Variants in JAKMIP2 observed in about 807,000 individuals in gnomAD.
JAKMIP2 encodes janus kinase and microtubule-interacting protein 2.
In JAKMIP2, 25 loss-of-function variants were observed where a neutral mutation model predicts 115.0. The ratio of observed to expected loss-of-function variants is 0.22; its 90% CI spans 0.16 to 0.30. The LOEUF (loss-of-function observed/expected upper bound fraction) is 0.30. JAKMIP2 is among the 10% of genes least tolerant of loss of function. The probability of loss-of-function intolerance (pLI) is 1.00; values close to 1 mark genes in which losing one functional copy is unlikely to be tolerated. For missense variants in JAKMIP2, 642 were observed against 957.6 expected (o/e 0.67, Z 4.35); for synonymous variants, 334 against 343.6 (o/e 0.97, Z 0.31).
Position 147,772,100 on chromosome 5 carries a change from G to T in JAKMIP2, c.-149+10356C>A, listed in dbSNP as rs1479461214. Among the ~76,000 whole-genome samples the T allele has an allele frequency of 4.6e-5, 7 of 152,066 alleles. No homozygotes were observed. The South Asian group carries it at 1.5e-3, about 32-fold the overall frequency. On this transcript the variant is annotated intron_variant, in intron 1 of 21. Transcript: ENST00000616793. ...TAATATCTGCCCTGTCTTTATTCTTGTGAGAATGTGAAGTATTAAAAGTTT... is the reference window on the plus strand; with the variant it reads ...TAATATCTGCCCTGTCTTTATTCTTTTGAGAATGTGAAGTATTAAAAGTTT...
intron 1 of JAKMIP2, among the ~76,000 whole-genome samples, chr5:147,723,782 A>G (rs975486882): frequency 6.6e-6 from 1 of 152,204 alleles, no homozygotes; most frequent in East Asian, 1.9e-4. Flanking sequence ...ATTCTGTCTT[A>G]TCCACCAGCC....
chr5:147,768,741 A>T (rs928574500), intron 1 of JAKMIP2, among the ~76,000 whole-genome samples: 3 of 152,180 alleles, frequency 2.0e-5, no homozygotes, highest in African/African-American at 7.2e-5. Context: ...CCCAATAAAG[A>T]ACAAATATGA....
chr5:147,698,814 T>C (rs1386738917), intron 1 of JAKMIP2, among the ~76,000 whole-genome samples: 1 of 152,164 alleles, frequency 6.6e-6, no homozygotes, highest in Non-Finnish European at 1.5e-5. Flanking sequence ...TATTTCTTCA[T>C]AGCAGCATGA....
At chr5:147,662,044 CT>C (rs56892721) in intron 2 of JAKMIP2, 202 of 132,340 alleles carry the variant, frequency 1.5e-3, no homozygotes, top group Admixed American at 1.6e-3. Flanking sequence ...CTTTTCTTTT[CT>C]TTTTTTTTTT....
intron 1 of JAKMIP2, among the ~76,000 whole-genome samples, chr5:147,687,377 A>C (rs1176694161): frequency 2.0e-5 from 3 of 152,210 alleles, no homozygotes; most frequent in Non-Finnish European, 4.4e-5. Context: ...AGATGTAATG[A>C]GTGCTGAAAC....
chr5:147,721,526 G>T (rs1310696231), intron 1 of JAKMIP2, among the ~76,000 whole-genome samples: 1 of 152,296 alleles, frequency 6.6e-6, no homozygotes, highest in South Asian at 2.1e-4. Flanking sequence ...GACCCTCCGA[G>T]CCAGGTGCGG....
intron 1 of JAKMIP2, among the ~76,000 whole-genome samples, chr5:147,722,007 C>T (rs1399733838): frequency 6.6e-6 from 1 of 152,090 alleles, no homozygotes; most frequent in Non-Finnish European, 1.5e-5. Context: ...TTATGAAATA[C>T]CTACTTCCTG....
At chr5:147,735,207 A>G (rs1053903362) in intron 1 of JAKMIP2, among the ~76,000 whole-genome samples, 27 of 152,174 alleles carry the variant, frequency 1.8e-4, no homozygotes, top group Non-Finnish European at 2.9e-5. Context: ...TAGTTCCCTC[A>G]TTTAAAGAAA....
intron 1 of JAKMIP2, among the ~76,000 whole-genome samples, chr5:147,738,842 C>T (rs1382422881): frequency 2.0e-5 from 3 of 152,022 alleles, no homozygotes; most frequent in Non-Finnish European, 4.4e-5. Context: ...AATGAGATCA[C>T]GAGATAATCA....
chr5:147,623,712 G>A, intron 16 of JAKMIP2, 23 bp from the exon 17 acceptor site: 1 of 1,548,088 alleles, frequency 6.5e-7, no homozygotes, highest in Non-Finnish European at 8.9e-7. Context: ...CAAGACAAAA[G>A]TGTTTGACAT....
chr5:147,726,211 C>T (rs1753510819), intron 1 of JAKMIP2, among the ~76,000 whole-genome samples: 1 of 152,170 alleles, frequency 6.6e-6, no homozygotes, highest in Non-Finnish European at 1.5e-5. Flanking sequence ...TGACAAGGCC[C>T]AAGTAGGGGC....
At chr5:147,739,471 G>A (rs749187238) in intron 1 of JAKMIP2, among the ~76,000 whole-genome samples, 7 of 152,080 alleles carry the variant, frequency 4.6e-5, no homozygotes, top group Non-Finnish European at 1.0e-4. Context: ...GACAACCAGC[G>A]GCGGAGCAAG....
intron 1 of JAKMIP2, among the ~76,000 whole-genome samples, chr5:147,673,677 T>A (rs1371957971): frequency 6.6e-6 from 1 of 152,204 alleles, no homozygotes; most frequent in African/African-American, 2.4e-5. Context: ...CTGCGAGGTC[T>A]CTGAGAGGCC....
chr5:147,601,528 A>C (rs977472016), intron 21 of JAKMIP2, among the ~76,000 whole-genome samples: 3 of 152,086 alleles, frequency 2.0e-5, no homozygotes, highest in Admixed American at 2.0e-4. Context: ...TGAGCCTGGG[A>C]GATTGAGGCT....
At chr5:147,684,079 C>T (rs1276157865) in intron 1 of JAKMIP2, among the ~76,000 whole-genome samples, 1 of 152,104 alleles carries the variant, frequency 6.6e-6, no homozygotes, top group Non-Finnish European at 1.5e-5. Context: ...CCTACATTTT[C>T]TGTCCAGTTG....
chr5:147,706,554 AAAT>A (rs1561549866), intron 1 of JAKMIP2, among the ~76,000 whole-genome samples: 1 of 152,174 alleles, frequency 6.6e-6, no homozygotes. Context: ...AGAAAGCAAA[AAAT>A]AACAATAATA....
At chr5:147,612,441 A>G (rs1300387266) in intron 19 of JAKMIP2, 70 bp from the exon 20 acceptor site, 32 of 896,432 alleles carry the variant, frequency 3.6e-5, no homozygotes, top group Admixed American at 2.6e-5. Context: ...AATTTACCAA[A>G]TGAAAACACG....
chr5:147,755,002 T>C (rs1391742387), intron 1 of JAKMIP2, among the ~76,000 whole-genome samples: 1 of 152,118 alleles, frequency 6.6e-6, no homozygotes, highest in East Asian at 1.9e-4. Context: ...GTGTAAGGCT[T>C]GCAAAGTAAA....
intron 1 of JAKMIP2, among the ~76,000 whole-genome samples, chr5:147,742,668 G>A (rs1378999860): frequency 6.6e-6 from 1 of 152,164 alleles, no homozygotes; most frequent in African/African-American, 2.4e-5. Flanking sequence ...TAGATTGTTA[G>A]TGCTCAATAA....
Sources: allele counts gnomAD v4.1 joint callset (sites outside exome capture counted in the v4.1 genomes callset), GRCh38; gene constraint gnomAD v4.1.1; transcripts MANE v1.5; gene names NCBI Gene and HGNC (gene_info 2026-07-23, HGNC 2026-07-21).